TASP1: variants seen among roughly 807,000 people sequenced by gnomAD.
TASP1 encodes threonine aspartase 1.
TASP1 carries 16 observed loss-of-function variants against 56.6 expected under a neutral mutation model. The observed-to-expected ratio is 0.28, with a 90% CI of 0.19 to 0.43. TASP1 has a LOEUF of 0.43. Ranked by LOEUF, TASP1 falls within the 20% of genes least tolerant of loss-of-function variation. The pLI is 1.00. For missense variants in TASP1, 393 were observed against 511.6 expected, an observed-to-expected ratio of 0.77 and a Z score of 2.24; for synonymous variants, 179 against 184.2, an observed-to-expected ratio of 0.97 and a Z score of 0.23.
the TASP1 span, among the ~76,000 whole-genome samples, chr20:13,306,075 A>C: frequency 7.6e-6 from 1 of 131,996 alleles, no homozygotes. Flanking sequence ...ATTGCCCTCA[A>C]AATGAAAAAA....
At chr20:13,439,419 C>T (rs2043136673) in intron 11 of TASP1, among the ~76,000 whole-genome samples, 1 of 152,180 alleles carries the variant, frequency 6.6e-6, no homozygotes, top group Admixed American at 6.5e-5. Context: ...AAAAACCAAA[C>T]ACCACATGTT....
At chr20:13,166,524 C>T in the TASP1 span, 21 of 152,244 alleles carry the variant, frequency 1.4e-4, no homozygotes, top group African/African-American at 5.1e-4. Flanking sequence ...ATTTTGATAA[C>T]AAAATTCCAA....
chr20:13,566,525 T>G (rs948934046), intron 7 of TASP1, among the ~76,000 whole-genome samples: 2 of 150,972 alleles, frequency 1.3e-5, no homozygotes, highest in African/African-American at 4.9e-5. Flanking sequence ...ACAACCTGGA[T>G]GTTATCTCCA....
chr20:13,485,713 C>G (rs6042161), intron 10 of TASP1, among the ~76,000 whole-genome samples: 1,690 of 152,224 alleles, frequency 0.011, 41 homozygotes, highest in African/African-American at 0.038. Context: ...AGAAAGAAAT[C>G]ACGTTGGACA....
intron 11 of TASP1, among the ~76,000 whole-genome samples, chr20:13,477,468 TA>T (rs1055323447): frequency 8.0e-4 from 121 of 150,458 alleles, no homozygotes; most frequent in African/African-American, 2.2e-3. Context: ...AGAAACCAAC[TA>T]AAAAAAAATG....
chr20:13,424,432 T>C (rs752261942), intron 12 of TASP1, among the ~76,000 whole-genome samples: 16 of 152,154 alleles, frequency 1.1e-4, no homozygotes, highest in Non-Finnish European at 2.1e-4. Flanking sequence ...AAGTTTATGG[T>C]AAGAGTATTA....
In TASP1 at chr20:13,422,351, C is replaced by A. The variant is rs183379282; in HGVS notation, c.1097-4830G>T. The stretch of plus-strand genomic sequence containing the variant: ...AAATTTCTTTGGCTTTCAAGTTACA[C>A]AATAATGCTGTCCTCTATGCTTTTT... On this transcript the variant is annotated intron_variant, in intron 12 of 13. Transcript: ENST00000337743. 8.5e-5 allele frequency among the ~76,000 whole-genome samples: 13 copies of A among 152,256 alleles called. No homozygotes were observed. In the East Asian group the frequency reaches 2.5e-3, roughly 29 times the overall value.
At chr20:13,521,869 C>T (rs899589725) in intron 10 of TASP1, among the ~76,000 whole-genome samples, 3 of 151,604 alleles carry the variant, frequency 2.0e-5, no homozygotes, top group South Asian at 2.1e-4. Flanking sequence ...ATACTTGCTA[C>T]GGGAAAAAAT....
At chr20:13,588,242 AAAGGAAGAAAGGAAGGAAGG>A (rs1409243286) in intron 4 of TASP1, among the ~76,000 whole-genome samples, 127 of 130,852 alleles carry the variant, frequency 9.7e-4, no homozygotes, top group African/African-American at 3.7e-3. Context: ...AGAAAGAAAG[AAAGGAAGAAAGGAAGGAAGG>A]AAGGAAGGAA....
At chr20:13,398,150 A>T (rs2041611510) in intron 13 of TASP1, among the ~76,000 whole-genome samples, 1 of 152,202 alleles carries the variant, frequency 6.6e-6, no homozygotes. Flanking sequence ...TGTGTAATGG[A>T]CAATTTCCTG....
chr20:13,239,189 G>A, the TASP1 span: 1 of 152,178 alleles, frequency 6.6e-6, no homozygotes, highest in Admixed American at 6.6e-5. Context: ...AATAATGAAA[G>A]GCAAGTTCTC....
chr20:13,229,110 C>G, the TASP1 span, among the ~76,000 whole-genome samples: 1 of 150,494 alleles, frequency 6.6e-6, no homozygotes, highest in African/African-American at 2.5e-5. Context: ...TCTTCCTTTC[C>G]TTTCTTTTTC....
the TASP1 span, among the ~76,000 whole-genome samples, chr20:13,219,004 T>C: frequency 6.6e-6 from 1 of 152,268 alleles, no homozygotes; most frequent in African/African-American, 2.4e-5. Flanking sequence ...GAATTTACAT[T>C]CATTGCAAAG....
intron 10 of TASP1, among the ~76,000 whole-genome samples, chr20:13,499,920 C>CTAT (rs113542521): frequency 7.2e-5 from 11 of 152,058 alleles, no homozygotes; most frequent in African/African-American, 2.7e-4. Flanking sequence ...TAAATGGGAG[C>CTAT]TATACAATGA....
At chr20:13,211,820 A>C in the TASP1 span, among the ~76,000 whole-genome samples, 1 of 152,232 alleles carries the variant, frequency 6.6e-6, no homozygotes, top group African/African-American at 2.4e-5. Context: ...TCTTTTTGTA[A>C]GTTCCATGAG....
chr20:13,360,149 C>T, the TASP1 span, among the ~76,000 whole-genome samples: 3 of 152,040 alleles, frequency 2.0e-5, no homozygotes, highest in Admixed American at 6.5e-5. Context: ...CATATACTCT[C>T]CTATCCTCAA....
intron 13 of TASP1, among the ~76,000 whole-genome samples, chr20:13,408,806 C>T (rs2042007808): frequency 6.6e-6 from 1 of 152,076 alleles, no homozygotes; most frequent in African/African-American, 2.4e-5. Context: ...CCTACAGAAT[C>T]GGTGAATGCA....
chr20:13,499,656 GGAATGGAGTCTTT>G (rs2043871338), intron 10 of TASP1, among the ~76,000 whole-genome samples: 1 of 151,996 alleles, frequency 6.6e-6, no homozygotes, highest in Non-Finnish European at 1.5e-5. Flanking sequence ...AAGACGGAAA[GGAATGGAGTCTTT>G]GATGCTGAAT....
the TASP1 span, among the ~76,000 whole-genome samples, chr20:13,144,970 T>C: frequency 6.6e-6 from 1 of 152,032 alleles, no homozygotes; most frequent in Non-Finnish European, 1.5e-5. Flanking sequence ...AGACACAGGG[T>C]TTCACCATGT....
Sources: allele counts gnomAD v4.1 joint callset (sites outside exome capture counted in the v4.1 genomes callset), GRCh38; gene constraint gnomAD v4.1.1; transcripts MANE v1.5; gene names NCBI Gene and HGNC (gene_info 2026-07-23, HGNC 2026-07-21).